Variants in ADAMTS7 observed in about 807,000 individuals in gnomAD.
ADAMTS7 encodes the protein A disintegrin and metalloproteinase with thrombospondin motifs 7.
A neutral mutation model predicts 172.6 loss-of-function variants in ADAMTS7; 89 were observed. The ratio of observed to expected loss-of-function variants is 0.52; its 90% confidence interval spans 0.43 to 0.61. ADAMTS7 has a LOEUF of 0.61. ADAMTS7 is among the 20% of genes least tolerant of loss of function. The pLI, the probability that ADAMTS7 is intolerant of heterozygous loss-of-function variation, is 0.00. For missense variants in ADAMTS7, 1,973 were observed against 2,355.6 expected, an observed-to-expected ratio of 0.84 and a Z score of 3.36; for synonymous variants, 885 against 978.4, an observed-to-expected ratio of 0.90 and a Z score of 1.78.
In ADAMTS7 at chr15:78,762,903, G is replaced by A. The variant is rs566863369; in HGVS notation, c.4741-338C>T. On this transcript the variant is annotated intron_variant, in intron 22 of 23. Transcript: ENST00000388820. ...GGGATGGAGCCCTGATGCAGCAGTG[G>A]GCAGAGATGTGGGCGAGACACCGCT... 2.7e-3 allele frequency among the ~76,000 whole-genome samples: 412 copies of A among 152,338 alleles called. 3 individuals carry two copies. The highest frequency in any genetic ancestry group is 9.4e-3 in the African/African-American group (392 of 41,584).
In ADAMTS7 at chr15:78,784,564, C is replaced by A. The variant is rs61033983; in HGVS notation, c.1322+3667G>T. 7.2e-3 allele frequency among the ~76,000 whole-genome samples: 1,100 copies of A among 152,176 alleles called. 13 individuals are homozygous for A. The highest frequency in any genetic ancestry group is 0.025 in the African/African-American group (1,028 of 41,520). ...TAAGAAAGTTGTCAAATAAATAATA[C>A]AACAACAGTTCAAGAACTGAAGGGC... On this transcript the variant is annotated intron_variant, in intron 8 of 23. Coordinates refer to ENST00000388820, the MANE Select transcript of ADAMTS7 (RefSeq NM_014272.5).
Position 78,774,721 on chromosome 15 carries a change from A to G in ADAMTS7, c.1779T>C (p.Pro593=), listed in dbSNP as rs117662146. The G allele has an allele frequency of 3.5e-3, 5,556 of 1,599,596 alleles. 24 individuals carry two copies. The highest frequency in any genetic ancestry group is 0.014 in the African/African-American group (1,040 of 73,526). The change falls in exon 12 of 24, where the codon CCT becomes CCC. Residue 593 remains proline (P), a synonymous_variant. Transcript: ENST00000388820. Reference sequence around the variant, plus strand: ...CGTGGCGGAAGGAGGGGCGGCCAGCAGGGCAGGCCTGCAGGTTGCAGAGGC... The same window carrying G: ...CGTGGCGGAAGGAGGGGCGGCCAGCGGGGCAGGCCTGCAGGTTGCAGAGGC... ...RFRLCNLQAC[P]AGRPSFRHVQ...
chr15:78,809,472 C>A (rs144050946), intron 1 of ADAMTS7, among the ~76,000 whole-genome samples: 15 of 152,252 alleles, frequency 9.9e-5, no homozygotes, highest in African/African-American at 3.6e-4. Context: ...GAGTGCCTGG[C>A]CTGCCTCCAC....
chr15:78,797,840 T>C, intron 3 of ADAMTS7, 108 bp downstream of exon 3: 5 of 1,257,326 alleles, frequency 4.0e-6, no homozygotes, highest in Non-Finnish European at 5.5e-6. Flanking sequence ...CTGTGTCATC[T>C]GGTCTAAGGG....
intron 7 of ADAMTS7, among the ~76,000 whole-genome samples, chr15:78,788,973 A>G (rs989447220): frequency 6.6e-6 from 1 of 152,252 alleles, no homozygotes; most frequent in African/African-American, 2.4e-5. Flanking sequence ...AGCTAGGGTA[A>G]CACAGCCAGG....
Position 78,766,878 on chromosome 15 carries a change from G to A in ADAMTS7, c.3033C>T (p.Ser1011=), listed in dbSNP as rs770843832. Reference sequence around the variant, plus strand: ...CAGCCTCGTTGAAGAGCTCGTGGCTGGAGGAGCCGCTGCCTGAGCCTTCAG... The same window carrying A: ...CAGCCTCGTTGAAGAGCTCGTGGCTAGAGGAGCCGCTGCCTGAGCCTTCAG... ...LGPEGSGSGS[S]SHELFNEADF... is the part of the protein sequence containing the mutation. The change falls in exon 19 of 24, where the codon TCC becomes TCT. Residue 1011 remains serine (S), a synonymous_variant. Transcript: ENST00000388820. 5 of 1,609,352 alleles carry A rather than the reference G, an allele frequency of 3.1e-6. No individual in the cohort carries two copies. In the Admixed American group the frequency reaches 8.4e-5, roughly 27 times the overall value.
At chr15:78,784,993 C>T (rs1399285262) in intron 8 of ADAMTS7, among the ~76,000 whole-genome samples, 1 of 151,146 alleles carries the variant, frequency 6.6e-6, no homozygotes, top group Non-Finnish European at 1.5e-5. Flanking sequence ...GGTACCTCCC[C>T]ATAAAAAAAG....
chr15:78,798,075 A>C lies in ADAMTS7; in HGVS notation c.495T>G (p.Ile165Met), dbSNP rs199735232. ...GGGCCGGGGCACTGTCCAGGGGCTCAATGAAGTAGTCCTCGTTGGAGAGCT... is the reference window on the plus strand; with the variant it reads ...GGGCCGGGGCACTGTCCAGGGGCTCCATGAAGTAGTCCTCGTTGGAGAGCT... ...VFQLSNEDYFIEPLDSAPARP... is the reference protein window; with the variant it reads ...VFQLSNEDYFMEPLDSAPARP... The change falls in exon 3 of 24, where the codon ATT becomes ATG. Residue 165 changes from isoleucine to methionine, a missense_variant. By Grantham distance (10) the Ile-to-Met change is conservative. This residue lies in a region of ADAMTS7 where 306 missense variants were observed against 288.0 expected (regional missense o/e 1.06). Coordinates refer to ENST00000388820, the MANE Select transcript of ADAMTS7 (RefSeq NM_014272.5). 6 of 1,564,128 alleles carry C rather than the reference A, an allele frequency of 3.8e-6. No homozygotes were observed. The highest frequency in any genetic ancestry group is 5.2e-6 in the Non-Finnish European group (6 of 1,162,910).
In ADAMTS7 at chr15:78,807,571, AC is replaced by A. The variant is rs1357372703; in HGVS notation, c.100+3549del. ...CAGCTCTGCTACCCATATCTGTGAG[AC>A]CATGGGTAAATTACTCAACCACTCA... On this transcript the variant is annotated intron_variant, in intron 1 of 23. Coordinates refer to ENST00000388820, the MANE Select transcript of ADAMTS7 (RefSeq NM_014272.5). Among the ~76,000 whole-genome samples the A allele has an allele frequency of 1.3e-5, 2 of 152,256 alleles. 1 individual carries two copies. The highest frequency in any genetic ancestry group is 2.9e-5 in the Non-Finnish European group (2 of 68,048).
intron 8 of ADAMTS7, among the ~76,000 whole-genome samples, chr15:78,785,952 G>GT (rs1220120945): frequency 2.0e-5 from 3 of 150,680 alleles, no homozygotes; most frequent in African/African-American, 4.9e-5. Flanking sequence ...TTGAGACGGA[G>GT]TTTTTTTGCT....
At chr15:78,793,825 A>C (rs2055610657) in intron 4 of ADAMTS7, among the ~76,000 whole-genome samples, 1 of 152,116 alleles carries the variant, frequency 6.6e-6, no homozygotes, top group Admixed American at 6.5e-5. Context: ...GCCCCTCTCC[A>C]GGGCAGGTTA....
Position 78,776,462 on chromosome 15 carries a change from A to C in ADAMTS7, c.1561-129T>G, listed in dbSNP as rs542692434. 5.2e-3 allele frequency: 6,975 copies of C among 1,345,636 alleles called. 49 individuals are homozygous for C. Among genetic ancestry groups the C allele is most frequent in the African/African-American group, 0.028 (1,891 of 68,308 alleles). 83.4% of individuals were successfully genotyped at this position (1,345,636 alleles called of 1,614,324 possible). ...GGGAAGGATGGAAGGTGAGAGAGGC[A>C]CCCTCACAATCATCACAATCATCTG... On this transcript the variant is annotated intron_variant, in intron 10 of 23. Coordinates refer to ENST00000388820, the MANE Select transcript of ADAMTS7 (RefSeq NM_014272.5).
intron 1 of ADAMTS7, among the ~76,000 whole-genome samples, chr15:78,806,107 CACACACACACACACACACACAAA>C (rs2055786238): frequency 7.4e-5 from 1 of 13,518 alleles, no homozygotes; most frequent in African/African-American, 1.7e-4. Flanking sequence ...CACACACACA[CACACACACACACACACACACAAA>C]AAAAAAAAAA....
At chr15:78,784,408 GGGGA>G (rs145739330) in intron 8 of ADAMTS7, among the ~76,000 whole-genome samples, 25,064 of 99,448 alleles carry the variant, frequency 0.25, 4,715 homozygotes, top group Non-Finnish European at 0.35. Flanking sequence ...GAGGAAGAGG[GGGGA>G]GGGAGGGAGG....
rs539640277 is a variant in ADAMTS7, at chr15:78,777,942, C to T, written c.1323-354G>A. Among the ~76,000 whole-genome samples the T allele has an allele frequency of 2.1e-4, 32 of 152,296 alleles. 1 individual carries two copies. The East Asian group carries it at 2.3e-3, about 11-fold the overall frequency. ...TGCAGCCTCCGTGTCTGAGCCCAGA[C>T]CCTGGAGCCAGGCCCGACAAGGATC... On this transcript the variant is annotated intron_variant, in intron 8 of 23. Coordinates refer to ENST00000388820, the MANE Select transcript of ADAMTS7 (RefSeq NM_014272.5).
Position 78,811,359 on chromosome 15 carries a change from C to T in ADAMTS7, c.-139G>A. 1.9e-6 allele frequency: 2 copies of T among 1,048,380 alleles called. No homozygotes were observed. The highest frequency in any genetic ancestry group is 2.4e-6 in the Non-Finnish European group (2 of 826,104). The allele number at this position is 1,048,380 out of a possible 1,614,324, so 64.9% of individuals were successfully genotyped here. On this transcript the variant is annotated 5_prime_UTR_variant, in exon 1 of 24. Coordinates refer to ENST00000388820, the MANE Select transcript of ADAMTS7 (RefSeq NM_014272.5). Reference sequence around the variant, plus strand: ...CCGGCGACCCGGCCCCGACTCCGTTCGGCTGCGCTCGGTCCGCGGGCAACA... The same window carrying T: ...CCGGCGACCCGGCCCCGACTCCGTTTGGCTGCGCTCGGTCCGCGGGCAACA...
In ADAMTS7 at chr15:78,766,824, G is replaced by A; in HGVS notation, c.3087C>T (p.Arg1029=). 1 of 1,610,168 alleles carries A rather than the reference G, an allele frequency of 6.2e-7. No individual in the cohort carries two copies. The highest frequency in any genetic ancestry group is 8.5e-7 in the Non-Finnish European group (1 of 1,179,674). The change falls in exon 19 of 24, where the codon CGC becomes CGT. Residue 1029 remains arginine, a synonymous_variant. Coordinates refer to ENST00000388820, the MANE Select transcript of ADAMTS7 (RefSeq NM_014272.5). ...GCTTGGGTGATGAGGCGGGTGAAGG[G>A]CGTGGGGCCAGGTGGTGCGGGATGA... ...ADFIPHHLAP[R]PSPASSPKPG...
At chr15:78,802,048 G>T (rs1033412218) in intron 1 of ADAMTS7, among the ~76,000 whole-genome samples, 8 of 151,320 alleles carry the variant, frequency 5.3e-5, no homozygotes, top group Admixed American at 5.3e-4. Flanking sequence ...TGTTGCCCAG[G>T]CTGGTCTCGA....
In ADAMTS7 at chr15:78,776,217, C is replaced by T. The variant is rs1359365255; in HGVS notation, c.1677G>A (p.Gln559=). The change falls in exon 11 of 24, where the codon CAG becomes CAA. Residue 559 remains glutamine, a synonymous_variant. Transcript: ENST00000388820. ...ICSRSCGMGV[Q]SAERQCTQPT... is the part of the protein sequence containing the mutation. ...GCTGCGTGCACTGCCGCTCGGCGCT[C>T]TGTACGCCCATGCCACAGCTCCGTG... 1.7e-5 allele frequency: 27 copies of T among 1,611,518 alleles called. No homozygotes were observed. Among genetic ancestry groups the T allele is most frequent in the Middle Eastern group, 4.5e-4 (2 of 4,490 alleles).
Sources: allele counts gnomAD v4.1 joint callset (sites outside exome capture counted in the v4.1 genomes callset), GRCh38; gene constraint gnomAD v4.1.1; regional missense constraint gnomAD v4.1.1; transcripts MANE v1.5; gene names NCBI Gene and HGNC (gene_info 2026-07-23, HGNC 2026-07-21).